MAP2K6: variants seen among roughly 807,000 people sequenced by gnomAD.
MAP2K6 encodes dual specificity mitogen-activated protein kinase kinase 6.
Under a neutral mutation model 53.7 loss-of-function variants are expected in MAP2K6, and 16 were observed. The ratio of observed to expected loss-of-function variants is 0.30; its 90% confidence interval spans 0.20 to 0.45. The LOEUF is 0.45. MAP2K6 is among the 20% of genes least tolerant of loss of function. The probability of loss-of-function intolerance (pLI) is 1.00; values close to 1 mark genes in which losing one functional copy is unlikely to be tolerated. For missense variants in MAP2K6, 204 were observed against 411.9 expected (o/e 0.50, Z 4.37); for synonymous variants, 132 against 143.1 (o/e 0.92, Z 0.55).
At chr17:69,486,979 G>A (rs901758108) in intron 1 of MAP2K6, among the ~76,000 whole-genome samples, 4 of 152,160 alleles carry the variant, frequency 2.6e-5, no homozygotes, top group South Asian at 2.1e-4. Flanking sequence ...GGCAAAGGTC[G>A]TGGCAATTTA....
intron 1 of MAP2K6, among the ~76,000 whole-genome samples, chr17:69,482,864 C>A (rs1409520644): frequency 6.6e-6 from 1 of 151,994 alleles, no homozygotes; most frequent in Non-Finnish European, 1.5e-5. Flanking sequence ...CCAAGCGTTC[C>A]TTCAAAGGAC....
intron 1 of MAP2K6, among the ~76,000 whole-genome samples, chr17:69,478,872 T>G (rs1262640578): frequency 1.3e-5 from 2 of 152,208 alleles, no homozygotes; most frequent in African/African-American, 2.4e-5. Context: ...CACTGTTAGC[T>G]TATGTGGCTC....
chr17:69,535,721 A>G (rs548297296), intron 10 of MAP2K6, among the ~76,000 whole-genome samples: 3 of 152,370 alleles, frequency 2.0e-5, no homozygotes, highest in Admixed American at 1.3e-4. Context: ...CTGACAGTGA[A>G]GAGATAACAA....
intron 1 of MAP2K6, among the ~76,000 whole-genome samples, chr17:69,437,116 C>T (rs773199974): frequency 5.7e-4 from 87 of 152,248 alleles, no homozygotes; most frequent in Non-Finnish European, 6.2e-4. Context: ...CGTGAGCCAC[C>T]GTGCCTGCCT....
intron 6 of MAP2K6, chr17:69,520,822 C>T (rs1404285785): frequency 6.6e-6 from 3 of 451,594 alleles, no homozygotes; most frequent in African/African-American, 6.1e-5. Context: ...GACAAATGAA[C>T]AAGACAGATG....
intron 10 of MAP2K6, among the ~76,000 whole-genome samples, chr17:69,528,580 C>T (rs868761902): frequency 2.0e-5 from 3 of 151,832 alleles, no homozygotes; most frequent in African/African-American, 4.8e-5. Context: ...GATGAGGGGC[C>T]GGGCGTGGTG....
intron 1 of MAP2K6, among the ~76,000 whole-genome samples, chr17:69,464,396 C>A (rs148269717): frequency 2.0e-5 from 3 of 151,990 alleles, no homozygotes; most frequent in Non-Finnish European, 4.4e-5. Flanking sequence ...CAGAGTCTTG[C>A]TCTTTTGTCC....
Position 69,475,173 on chromosome 17 carries a change from T to TTG in MAP2K6, c.17-30606_17-30605insGT, listed in dbSNP as rs1435345666. Among the ~76,000 whole-genome samples the TTG allele has an allele frequency of 3.2e-4, 46 of 145,530 alleles. 1 individual carries two copies. Among genetic ancestry groups the TTG allele is most frequent in the African/African-American group, 1.1e-3 (44 of 38,304 alleles). On this transcript the variant is annotated intron_variant, in intron 1 of 11. Transcript: ENST00000590474. ...TAAGATTGAAATCTGTGTTTTTTTT[T>TTG]TTTTTTTTTTTTTGAGACGGAGTCT...
chr17:69,515,655 T>C (rs997869219), intron 2 of MAP2K6, among the ~76,000 whole-genome samples: 4 of 152,210 alleles, frequency 2.6e-5, no homozygotes, highest in Non-Finnish European at 1.5e-5. Context: ...CCTCTGGCTC[T>C]TAAGAAGACC....
At chr17:69,493,496 C>T (rs1598288562) in intron 1 of MAP2K6, among the ~76,000 whole-genome samples, 1 of 152,294 alleles carries the variant, frequency 6.6e-6, no homozygotes, top group East Asian at 1.9e-4. Context: ...CGTGGTGTCT[C>T]ACGCCTGTAA....
chr17:69,535,540 C>T (rs544014424), intron 10 of MAP2K6, among the ~76,000 whole-genome samples: 10 of 152,016 alleles, frequency 6.6e-5, no homozygotes, highest in South Asian at 4.2e-4. Context: ...TGCAGTGAGC[C>T]GAGATTGTAT....
In MAP2K6 at chr17:69,553,259, A is replaced by G. The variant is rs1344041390; in HGVS notation, c.*11506A>G. 1 of 152,206 alleles carries G rather than the reference A, an allele frequency of 6.6e-6. No homozygotes were observed. The highest frequency in any genetic ancestry group is 1.5e-5 in the Non-Finnish European group (1 of 68,028). The allele number at this position is 152,206 out of a possible 1,614,324, so 9.4% of individuals were successfully genotyped here. A position where few individuals can be genotyped will look rare whatever the true frequency, so the allele number is the denominator to read the frequency against. The stretch of plus-strand genomic sequence containing the variant: ...TTTCCCATCACATCTAGTAAAAAAC[A>G]ACCTTTTCATTTCCCTCCTTTCTAA... On this transcript the variant is annotated 3_prime_UTR_variant, in exon 12 of 12. Coordinates refer to ENST00000590474, the MANE Select transcript of MAP2K6 (RefSeq NM_002758.4).
Position 69,414,792 on chromosome 17 carries a change from TC to T in MAP2K6, c.-191del. ...GTTGCAACTGGGGGAAAAATCACTT[TC>T]CAGTCTGTTTTGCAAGGTGTGCATT... On this transcript the variant is annotated 5_prime_UTR_variant, in exon 1 of 12. Transcript: ENST00000590474. The T allele has an allele frequency of 1.8e-6, 1 of 546,150 alleles. No individual in the cohort carries two copies. Among genetic ancestry groups the T allele is most frequent in the South Asian group, 2.4e-5 (1 of 41,646 alleles). The allele number at this position is 546,150 out of a possible 1,614,324, so 33.8% of individuals were successfully genotyped here.
At chr17:69,444,124 T>G (rs564071929) in intron 1 of MAP2K6, among the ~76,000 whole-genome samples, 1 of 152,336 alleles carries the variant, frequency 6.6e-6, no homozygotes, top group South Asian at 2.1e-4. Context: ...TCCTAAAATA[T>G]TTTAGATGAT....
At position 69,542,702 on chromosome 17, in the gene MAP2K6, G is replaced by C. The variant is rs1911696817; in HGVS notation, c.*949G>C. ...AAGGAGGACAATTGTCAGTTTTGAG[G>C]GGGACATGTGTTAAATCACAGAAAA... On this transcript the variant is annotated 3_prime_UTR_variant, in exon 12 of 12. Coordinates refer to ENST00000590474, the MANE Select transcript of MAP2K6 (RefSeq NM_002758.4). 1 of 152,100 alleles carries C rather than the reference G, an allele frequency of 6.6e-6. No individual in the cohort carries two copies. Among genetic ancestry groups the C allele is most frequent in the Admixed American group, 6.5e-5 (1 of 15,268 alleles). The allele number at this position is 152,100 out of a possible 1,614,324, so 9.4% of individuals were successfully genotyped here. A position where few individuals can be genotyped will look rare whatever the true frequency, so the allele number is the denominator to read the frequency against.
chr17:69,442,453 C>CA (rs1014162387), intron 1 of MAP2K6, among the ~76,000 whole-genome samples: 1 of 152,130 alleles, frequency 6.6e-6, no homozygotes, highest in East Asian at 1.9e-4. Flanking sequence ...ATAACTATCA[C>CA]AAAAAAATGC....
intron 2 of MAP2K6, among the ~76,000 whole-genome samples, chr17:69,512,373 T>C (rs1909893866): frequency 7.4e-6 from 1 of 134,338 alleles, no homozygotes; most frequent in Admixed American, 8.2e-5. Flanking sequence ...AGAGTCTCAC[T>C]GTGTTGCCCA....
chr17:69,487,947 T>G (rs1908606980), intron 1 of MAP2K6, among the ~76,000 whole-genome samples: 1 of 152,166 alleles, frequency 6.6e-6, no homozygotes, highest in Non-Finnish European at 1.5e-5. Flanking sequence ...ATATTTTTGA[T>G]TAGCCATTAA....
At position 69,516,404 on chromosome 17, in the gene MAP2K6, A is replaced by G. The variant is rs1910144573; in HGVS notation, c.84-451A>G. Reference sequence around the variant, plus strand: ...TCAAGTGGTAATGTGAGCGATGGGGAGCTACTGTAAGTACAGGTGAAGCTT... The same window carrying G: ...TCAAGTGGTAATGTGAGCGATGGGGGGCTACTGTAAGTACAGGTGAAGCTT... On this transcript the variant is annotated intron_variant, in intron 2 of 11. Coordinates refer to ENST00000590474, the MANE Select transcript of MAP2K6 (RefSeq NM_002758.4). Among the ~76,000 whole-genome samples the G allele has an allele frequency of 3.3e-5, 5 of 152,262 alleles. No individual in the cohort carries two copies. In the South Asian group the frequency reaches 1.0e-3, roughly 32 times the overall value.
Sources: allele counts gnomAD v4.1 joint callset (sites outside exome capture counted in the v4.1 genomes callset), GRCh38; gene constraint gnomAD v4.1.1; transcripts MANE v1.5; gene names NCBI Gene and HGNC (gene_info 2026-07-23, HGNC 2026-07-21).